GLI3: variants seen among roughly 807,000 people sequenced by gnomAD.
The protein encoded by GLI3 is transcription activator GLI3.
Under a neutral mutation model 100.8 loss-of-function variants are expected in GLI3, and 20 were observed. That is an observed-to-expected ratio of 0.20 (90% confidence interval 0.14 to 0.29). The LOEUF (loss-of-function observed/expected upper bound fraction) is 0.29, where lower values mean the gene tolerates loss of function less well. GLI3 is among the 10% of genes least tolerant of loss of function. The probability of loss-of-function intolerance (pLI) is 1.00; values close to 1 mark genes in which losing one functional copy is unlikely to be tolerated. For missense variants in GLI3, 2,040 were observed against 2,128.5 expected (o/e 0.96, Z 0.82); for synonymous variants, 938 against 860.5 (o/e 1.09, Z -1.58).
Position 41,965,032 on chromosome 7 carries a change from C to T in GLI3, c.4041G>A (p.Gln1347=). The T allele has an allele frequency of 6.2e-7, 1 of 1,613,942 alleles. No homozygotes were observed. The highest frequency in any genetic ancestry group is 8.5e-7 in the Non-Finnish European group (1 of 1,180,024). The change falls in exon 15 of 15, where the codon CAG becomes CAA. Residue 1347 remains glutamine (Q), a synonymous_variant. Coordinates refer to ENST00000395925, the MANE Select transcript of GLI3 (RefSeq NM_000168.6). ...AGRPGQQMLG[Q]ISATSHINIY... ...TGTTGATGTGTGAGGTAGCACTAAT[C>T]TGCCCAAGCATCTGCTGACCGGGGC...
Position 42,111,806 on chromosome 7 carries a change from G to A in GLI3, c.368-34949C>T, listed in dbSNP as rs541393201. 1.2e-4 allele frequency among the ~76,000 whole-genome samples: 19 copies of A among 152,258 alleles called. No individual in the cohort carries two copies. The East Asian group carries it at 3.7e-3, about 30-fold the overall frequency. On this transcript the variant is annotated intron_variant, in intron 3 of 14. Coordinates refer to ENST00000395925, the MANE Select transcript of GLI3 (RefSeq NM_000168.6). ...CACAGAAACCAGGTGGGATGGCTTA[G>A]GTTTGCACAGTCTGTAACGTGATCA...
At chr7:42,080,580 G>A (rs143269190) in intron 3 of GLI3, among the ~76,000 whole-genome samples, 14 of 152,284 alleles carry the variant, frequency 9.2e-5, no homozygotes, top group African/African-American at 3.4e-4. Context: ...CACCTCTTAA[G>A]CCACTTTCTG....
chr7:42,198,688 G>A (rs1320299432), intron 2 of GLI3, among the ~76,000 whole-genome samples: 1 of 152,040 alleles, frequency 6.6e-6, no homozygotes, highest in East Asian at 1.9e-4. Flanking sequence ...GATTAATGTA[G>A]TATCTAAAAT....
intron 10 of GLI3, 113 bp from the exon 11 acceptor site, chr7:41,978,861 G>T (rs1021296789): frequency 1.5e-5 from 14 of 917,246 alleles, no homozygotes; most frequent in African/African-American, 5.0e-5. Context: ...AAGACCACAA[G>T]AATAACTTTA....
intron 10 of GLI3, among the ~76,000 whole-genome samples, chr7:42,006,777 C>T (rs12666094): frequency 0.18 from 27,335 of 152,154 alleles, 3,051 homozygotes; most frequent in Non-Finnish European, 0.26. Flanking sequence ...CTTACAGGAT[C>T]CCTAACAGGA....
At chr7:42,078,902 T>G (rs1784939464) in intron 3 of GLI3, among the ~76,000 whole-genome samples, 3 of 152,016 alleles carry the variant, frequency 2.0e-5, no homozygotes, top group African/African-American at 7.2e-5. Flanking sequence ...GCTAATTTTT[T>G]GTATTTTTAG....
chr7:42,243,867 T>C (rs1241318710), intron 1 of GLI3, among the ~76,000 whole-genome samples: 1 of 152,188 alleles, frequency 6.6e-6, no homozygotes, highest in African/African-American at 2.4e-5. Flanking sequence ...AGAGTCTTGC[T>C]CTGTTGCCCA....
chr7:42,065,287 TG>T (rs1306832743), intron 4 of GLI3, among the ~76,000 whole-genome samples: 10 of 151,384 alleles, frequency 6.6e-5, no homozygotes, highest in Non-Finnish European at 1.0e-4. Flanking sequence ...TATCAATAAA[TG>T]CAGACCCCTG....
chr7:41,973,932 A>G (rs919353341), intron 12 of GLI3, among the ~76,000 whole-genome samples: 1 of 152,214 alleles, frequency 6.6e-6, no homozygotes, highest in Admixed American at 6.5e-5. Context: ...TATATATAAT[A>G]AGATGAGCAC....
chr7:42,011,524 G>A lies in GLI3; in HGVS notation c.1497+11944C>T, dbSNP rs549502777. 2.6e-5 allele frequency among the ~76,000 whole-genome samples: 4 copies of A among 152,196 alleles called. No individual in the cohort carries two copies. The South Asian group carries it at 6.2e-4, about 24-fold the overall frequency. On this transcript the variant is annotated intron_variant, in intron 10 of 14. Transcript: ENST00000395925. The stretch of plus-strand genomic sequence containing the variant: ...CTCAAATATCCATCAACGGATGCAC[G>A]GATAAACAAAGTGTGGTATAGCCAG...
intron 2 of GLI3, among the ~76,000 whole-genome samples, chr7:42,219,502 G>C (rs1055216703): frequency 4.0e-5 from 6 of 151,824 alleles, no homozygotes; most frequent in Admixed American, 1.3e-4. Flanking sequence ...AGTGGCAAAT[G>C]CTTCTTTAAA....
At chr7:42,048,742 T>C (rs763800344) in intron 4 of GLI3, 46 bp from the exon 5 acceptor site, 5 of 1,199,368 alleles carry the variant, frequency 4.2e-6, no homozygotes, top group South Asian at 3.7e-5. Flanking sequence ...ATGAGACAAA[T>C]ATCTCCACAG....
chr7:42,026,156 CG>C (rs1562691672), intron 8 of GLI3, 42 bp downstream of exon 8: 1 of 1,444,826 alleles, frequency 6.9e-7, no homozygotes, highest in East Asian at 2.4e-5. Context: ...CCCCCACCCT[CG>C]GCTGACCAGC....
chr7:42,177,696 A>T (rs527586887), intron 2 of GLI3, among the ~76,000 whole-genome samples: 2 of 152,342 alleles, frequency 1.3e-5, no homozygotes, highest in South Asian at 2.1e-4. Flanking sequence ...AGAGTAAATT[A>T]ATGTGAAAAA....
intron 10 of GLI3, among the ~76,000 whole-genome samples, chr7:42,018,797 T>A (rs1205732766): frequency 6.6e-6 from 1 of 152,184 alleles, no homozygotes; most frequent in Non-Finnish European, 1.5e-5. Context: ...TACAAAAAGA[T>A]GAATTTTTGA....
At chr7:42,112,357 G>A (rs965380993) in intron 3 of GLI3, among the ~76,000 whole-genome samples, 2 of 152,036 alleles carry the variant, frequency 1.3e-5, no homozygotes, top group African/African-American at 4.8e-5. Flanking sequence ...TAGTTCTATG[G>A]TTATGGGAGC....
chr7:42,009,857 C>A (rs544904995), intron 10 of GLI3, among the ~76,000 whole-genome samples: 1 of 152,338 alleles, frequency 6.6e-6, no homozygotes, highest in South Asian at 2.1e-4. Flanking sequence ...GGATGTGCCT[C>A]CCCGTTCCTG....
intron 2 of GLI3, among the ~76,000 whole-genome samples, chr7:42,216,854 G>T (rs954623884): frequency 1.3e-5 from 2 of 152,150 alleles, no homozygotes; most frequent in Non-Finnish European, 2.9e-5. Flanking sequence ...TAAAGCATAG[G>T]TTATGCGATG....
intron 7 of GLI3, among the ~76,000 whole-genome samples, chr7:42,037,202 G>A (rs1002421575): frequency 1.3e-5 from 2 of 152,150 alleles, no homozygotes; most frequent in Admixed American, 6.6e-5. Flanking sequence ...ACGTGAGAAC[G>A]GTGAGTGAGC....
Sources: allele counts gnomAD v4.1 joint callset (sites outside exome capture counted in the v4.1 genomes callset), GRCh38; gene constraint gnomAD v4.1.1; transcripts MANE v1.5; gene names NCBI Gene and HGNC (gene_info 2026-07-23, HGNC 2026-07-21).